The following LRP11 variants were observed in gnomAD, a reference collection of about 807,000 sequenced individuals.
LRP11 encodes low-density lipoprotein receptor-related protein 11.
In LRP11, 25 loss-of-function variants were observed where a neutral mutation model predicts 43.1. The observed-to-expected ratio is 0.58, with a 90% CI of 0.42 to 0.81. LRP11 has a LOEUF of 0.81. Ranked by LOEUF, LRP11 falls within the 30% of genes least tolerant of loss-of-function variation. The pLI is 0.00. For missense variants in LRP11, 623 were observed against 665.1 expected (o/e 0.94, Z 0.70); for synonymous variants, 316 against 299.4 (o/e 1.06, Z -0.57).
intron 2 of LRP11, among the ~76,000 whole-genome samples, chr6:149,847,496 C>T (rs1776654626): frequency 6.6e-6 from 1 of 152,272 alleles, no homozygotes; most frequent in Middle Eastern, 3.4e-3. Flanking sequence ...CCAGGTGACC[C>T]TTCTATACAT....
At chr6:149,838,848 C>T (rs368697703) in intron 3 of LRP11, among the ~76,000 whole-genome samples, 100 of 152,172 alleles carry the variant, frequency 6.6e-4, no homozygotes, top group African/African-American at 2.3e-3. Flanking sequence ...AGAGGAGAAC[C>T]GGGTGACTAT....
chr6:149,837,550 TA>T, intron 3 of LRP11, 87 bp from the exon 4 acceptor site: 1 of 1,351,668 alleles, frequency 7.4e-7, no homozygotes, highest in Non-Finnish European at 1.0e-6. Flanking sequence ...GTGGGGATGA[TA>T]AAATGCACTT....
intron 1 of LRP11, among the ~76,000 whole-genome samples, chr6:149,858,172 G>A (rs1776830553): frequency 6.6e-6 from 1 of 152,086 alleles, no homozygotes; most frequent in Non-Finnish European, 1.5e-5. Flanking sequence ...ATTTACATTA[G>A]GTATTTGTCC....
chr6:149,833,029 C>T (rs1008449620), intron 5 of LRP11, among the ~76,000 whole-genome samples: 1 of 151,952 alleles, frequency 6.6e-6, no homozygotes, highest in African/African-American at 2.4e-5. Context: ...AGGATGGTCT[C>T]GATCTCCTGA....
At position 149,863,567 on chromosome 6, in the gene LRP11, C is replaced by T; in HGVS notation, c.454G>A (p.Ala152Thr). 7.2e-7 allele frequency: 1 copy of T among 1,380,616 alleles called. No individual in the cohort carries two copies. The highest frequency in any genetic ancestry group is 9.3e-7 in the Non-Finnish European group (1 of 1,074,094). 85.5% of individuals were successfully genotyped at this position (1,380,616 alleles called of 1,614,324 possible). Residue 152 changes from alanine (A) to threonine (T), a missense_variant, in exon 1 of 7, where the codon GCG (alanine) becomes ACG (threonine). Ala to Thr is a moderately conservative substitution (Grantham distance 58). Coordinates refer to ENST00000239367, the MANE Select transcript of LRP11 (RefSeq NM_032832.6). ...VAVVELPRRP[A>T]PPAAVLGCYL... ...CAGCCGAGCACGGCTGCCGGGGGCG[C>T]GGGGCGCCGGGGCAGCTCCACCACG...
At chr6:149,833,979 T>C (rs918769355) in intron 5 of LRP11, among the ~76,000 whole-genome samples, 1 of 152,154 alleles carries the variant, frequency 6.6e-6, no homozygotes, top group Non-Finnish European at 1.5e-5. Flanking sequence ...CCCTAGGTAT[T>C]AAGCCCAGCA....
intron 6 of LRP11, among the ~76,000 whole-genome samples, chr6:149,821,264 C>A (rs923505744): frequency 6.6e-6 from 1 of 152,148 alleles, no homozygotes; most frequent in Non-Finnish European, 1.5e-5. Context: ...TCTCTACCAG[C>A]TTCCTACAAA....
intron 1 of LRP11, among the ~76,000 whole-genome samples, chr6:149,859,396 A>ATATATATATT: frequency 1.5e-4 from 11 of 71,496 alleles, no homozygotes; most frequent in East Asian, 8.8e-4. Flanking sequence ...ATATATATAT[A>ATATATATATT]TTTTTTTTTT....
intron 3 of LRP11, among the ~76,000 whole-genome samples, chr6:149,838,744 TTTAATTTG>T (rs1776506136): frequency 2.6e-5 from 4 of 152,032 alleles, no homozygotes; most frequent in Admixed American, 1.3e-4. Context: ...CTTAGGAGCT[TTTAATTTG>T]CAGTGCAATT....
chr6:149,839,456 A>ATAC (rs1396792782), intron 3 of LRP11, among the ~76,000 whole-genome samples: 2 of 152,162 alleles, frequency 1.3e-5, no homozygotes, highest in Non-Finnish European at 1.5e-5. Context: ...ATCAAGCAGG[A>ATAC]TACAGTTCCT....
chr6:149,841,275 C>T (rs112146772), intron 3 of LRP11, among the ~76,000 whole-genome samples: 148 of 152,176 alleles, frequency 9.7e-4, no homozygotes, highest in Non-Finnish European at 1.9e-3. Flanking sequence ...CTCTTTTATC[C>T]TCATTCTGCA....
chr6:149,837,371 G>T lies in LRP11; in HGVS notation c.1006C>A (p.Pro336Thr), dbSNP rs1776486866. The change falls in exon 4 of 7, where the codon CCT becomes ACT. Residue 336 changes from proline (P) to threonine (T), a missense_variant. By Grantham distance (38) the Pro-to-Thr change is conservative. Transcript: ENST00000239367. ...CAGAAGTCTTCATCAGACCCATCAG[G>T]ACACTGCTGCACTCCATCGCAGGCG... ...TLACDGVQQC[P>T]DGSDEDFCQN... 1.2e-6 allele frequency: 2 copies of T among 1,614,016 alleles called. No homozygotes were observed. Among genetic ancestry groups the T allele is most frequent in the African/African-American group, 2.7e-5 (2 of 74,994 alleles).
intron 2 of LRP11, among the ~76,000 whole-genome samples, chr6:149,844,867 T>C (rs1443570720): frequency 6.6e-6 from 1 of 152,234 alleles, no homozygotes; most frequent in Non-Finnish European, 1.5e-5. Context: ...ATAATGAGAT[T>C]ACCGTGGTTG....
intron 1 of LRP11, among the ~76,000 whole-genome samples, chr6:149,858,315 G>T (rs1332195690): frequency 6.6e-6 from 1 of 152,176 alleles, no homozygotes; most frequent in Admixed American, 6.5e-5. Flanking sequence ...TTCTGTCCTT[G>T]TGATAGTTTG....
chr6:149,824,862 A>AAAAAC (rs559970954), intron 6 of LRP11, among the ~76,000 whole-genome samples: 127 of 152,360 alleles, frequency 8.3e-4, no homozygotes, highest in Non-Finnish European at 1.8e-3. Context: ...TCGATGTCTC[A>AAAAAC]AAAACAAAAC....
intron 2 of LRP11, among the ~76,000 whole-genome samples, chr6:149,849,139 G>A (rs1181698498): frequency 6.6e-6 from 1 of 152,178 alleles, no homozygotes; most frequent in East Asian, 1.9e-4. Flanking sequence ...TAATCATTTA[G>A]AAAATTTTAA....
At chr6:149,852,886 T>C (rs1347514373) in intron 2 of LRP11, 117 bp downstream of exon 2, 11 of 886,106 alleles carry the variant, frequency 1.2e-5, no homozygotes, top group Non-Finnish European at 1.5e-5. Context: ...TTATACAGTC[T>C]CCATTTTATG....
intron 1 of LRP11, among the ~76,000 whole-genome samples, chr6:149,859,396 A>ATTTTTTTTTTT (rs1163759560): frequency 4.2e-5 from 3 of 71,512 alleles, no homozygotes; most frequent in Admixed American, 1.7e-4. Flanking sequence ...ATATATATAT[A>ATTTTTTTTTTT]TTTTTTTTTT....
At chr6:149,832,848 G>A (rs1287463368) in intron 5 of LRP11, among the ~76,000 whole-genome samples, 13 of 150,822 alleles carry the variant, frequency 8.6e-5, no homozygotes, top group East Asian at 7.8e-4. Context: ...TTGCTCTGTC[G>A]CCCAGGCTGG....
Sources: gnomAD v4.1 joint callset for allele counts (sites outside exome capture counted in the v4.1 genomes callset) on GRCh38, gnomAD v4.1.1 for gene constraint, MANE v1.5 for transcripts, NCBI Gene and HGNC (gene_info 2026-07-23, HGNC 2026-07-21) for gene names.